Variants in MAP2K5 observed in about 807,000 individuals in gnomAD.
The protein encoded by MAP2K5 is dual specificity mitogen-activated protein kinase kinase 5.
A neutral mutation model predicts 83.1 loss-of-function variants in MAP2K5; 49 were observed. The ratio of observed to expected loss-of-function variants is 0.59; its 90% CI spans 0.47 to 0.75. MAP2K5 has a LOEUF of 0.75. Among genes scored for constraint, MAP2K5 ranks in the 30% least tolerant of loss-of-function variants. MAP2K5 has a pLI of 0.00. For missense variants in MAP2K5, 457 were observed against 557.5 expected (o/e 0.82, Z 1.82); for synonymous variants, 202 against 191.8 (o/e 1.05, Z -0.44).
intron 1 of MAP2K5, chr15:67,546,726 T>C: frequency 2.0e-6 from 1 of 503,052 alleles, no homozygotes; most frequent in Non-Finnish European, 2.6e-6. Context: ...TCTCCCCTCT[T>C]CTTTTTGTAT....
intron 7 of MAP2K5, among the ~76,000 whole-genome samples, chr15:67,599,721 C>T (rs1484208391): frequency 1.3e-5 from 2 of 150,992 alleles, no homozygotes; most frequent in African/African-American, 4.9e-5. Flanking sequence ...TGGCTTTCCC[C>T]AAGCTTTAGC....
chr15:67,723,997 G>A (rs898744693), intron 16 of MAP2K5, among the ~76,000 whole-genome samples: 3 of 152,096 alleles, frequency 2.0e-5, no homozygotes, highest in African/African-American at 7.2e-5. Flanking sequence ...CAACTCATAA[G>A]CAAATGAGTT....
At chr15:67,710,567 A>C (rs374254461) in intron 16 of MAP2K5, among the ~76,000 whole-genome samples, 1 of 142,710 alleles carries the variant, frequency 7.0e-6, no homozygotes, top group Non-Finnish European at 1.5e-5. Context: ...GCAGTGGCAC[A>C]GTCTTAACTC....
At chr15:67,629,278 A>T in intron 8 of MAP2K5, 1 of 575,782 alleles carries the variant, frequency 1.7e-6, no homozygotes, top group Non-Finnish European at 3.2e-6. Flanking sequence ...TTTTAGACAA[A>T]TACTCATGTG....
At chr15:67,574,895 T>C (rs544158506) in intron 3 of MAP2K5, among the ~76,000 whole-genome samples, 7 of 151,976 alleles carry the variant, frequency 4.6e-5, no homozygotes, top group Non-Finnish European at 7.4e-5. Flanking sequence ...TAAAACAAAA[T>C]AAAATAAAAT....
At chr15:67,629,866 T>C (rs933915747) in intron 8 of MAP2K5, among the ~76,000 whole-genome samples, 6 of 152,236 alleles carry the variant, frequency 3.9e-5, no homozygotes, top group African/African-American at 1.4e-4. Context: ...ATTTTTATTG[T>C]ATAAAAATGT....
intron 21 of MAP2K5, among the ~76,000 whole-genome samples, chr15:67,798,909 G>A (rs907708382): frequency 1.3e-5 from 2 of 152,166 alleles, no homozygotes; most frequent in African/African-American, 2.4e-5. Context: ...GGTGGCTCAC[G>A]CCTGTAATCC....
intron 16 of MAP2K5, among the ~76,000 whole-genome samples, chr15:67,714,542 G>A (rs927005771): frequency 1.3e-5 from 2 of 151,202 alleles, no homozygotes; most frequent in African/African-American, 4.9e-5. Context: ...GAACTGGTCC[G>A]AGGGGTGACG....
chr15:67,736,185 G>A lies in MAP2K5; in HGVS notation c.1074+8240G>A, dbSNP rs756192856. Among the ~76,000 whole-genome samples the A allele has an allele frequency of 3.3e-5, 5 of 152,182 alleles. No individual in the cohort carries two copies. The highest frequency in any genetic ancestry group is 7.3e-5 in the Non-Finnish European group (5 of 68,044). On this transcript the variant is annotated intron_variant, in intron 17 of 21. Coordinates refer to ENST00000178640, the MANE Select transcript of MAP2K5 (RefSeq NM_145160.3). The surrounding 1 kb of genome is among the most constrained non-coding windows in gnomAD (Gnocchi z 4.3). Reference sequence around the variant, plus strand: ...AGGATGGAGATGGCAAGTGTAGCAGGGACCAGATAAAGAAATTGGGTTTGA... The same window carrying A: ...AGGATGGAGATGGCAAGTGTAGCAGAGACCAGATAAAGAAATTGGGTTTGA...
chr15:67,662,551 C>T lies in MAP2K5; in HGVS notation c.799-2046C>T, dbSNP rs531780106. Among the ~76,000 whole-genome samples, 24 of 152,168 alleles carry T rather than the reference C, an allele frequency of 1.6e-4. No homozygotes were observed. The South Asian group carries it at 4.6e-3, about 29-fold the overall frequency. On this transcript the variant is annotated intron_variant, in intron 12 of 21. Coordinates refer to ENST00000178640, the MANE Select transcript of MAP2K5 (RefSeq NM_145160.3). ...GTCAACCTTGAAATTGGTAAGTTCACGCTCATGTGCATATAGGATCAGTGG... is the reference window on the plus strand; with the variant it reads ...GTCAACCTTGAAATTGGTAAGTTCATGCTCATGTGCATATAGGATCAGTGG...
At chr15:67,641,390 T>A (rs1683683232) in intron 9 of MAP2K5, 1 of 583,050 alleles carries the variant, frequency 1.7e-6, no homozygotes, top group Non-Finnish European at 2.2e-6. Context: ...AATAAGTGAA[T>A]TAAAACAGAA....
chr15:67,762,236 A>G (rs2089962955), intron 19 of MAP2K5, among the ~76,000 whole-genome samples: 1 of 152,196 alleles, frequency 6.6e-6, no homozygotes, highest in Non-Finnish European at 1.5e-5. Context: ...CTTCGGTATG[A>G]GACAAGTATG....
Position 67,690,455 on chromosome 15 carries a change from A to G in MAP2K5, c.848-2024A>G, listed in dbSNP as rs1399005105. 6.6e-6 allele frequency among the ~76,000 whole-genome samples: 1 copy of G among 152,178 alleles called. No homozygotes were observed. The highest frequency in any genetic ancestry group is 1.5e-5 in the Non-Finnish European group (1 of 68,040). The stretch of plus-strand genomic sequence containing the variant: ...ATTTAAGGTTTAATATGATGATGGT[A>G]TAAGAATTATGTTGAAAAATTAGAG... On this transcript the variant is annotated intron_variant, in intron 13 of 21. Transcript: ENST00000178640. The surrounding 1 kb of genome is among the most constrained non-coding windows in gnomAD (Gnocchi z 4.3).
rs191569952 is a variant in MAP2K5, at chr15:67,563,839, G to T, written c.252+489G>T. Among the ~76,000 whole-genome samples, 16 of 152,010 alleles carry T rather than the reference G, an allele frequency of 1.1e-4. No individual in the cohort carries two copies. The East Asian group carries it at 3.1e-3, about 29-fold the overall frequency. On this transcript the variant is annotated intron_variant, in intron 3 of 21. Coordinates refer to ENST00000178640, the MANE Select transcript of MAP2K5 (RefSeq NM_145160.3). The surrounding 1 kb of genome is among the most constrained non-coding windows in gnomAD (Gnocchi z 4.5). The stretch of plus-strand genomic sequence containing the variant: ...TACTCCCACCGAAAATGAACTACAG[G>T]GCTACTTACTGAATCAAAGTGATCT...
intron 13 of MAP2K5, among the ~76,000 whole-genome samples, chr15:67,684,896 A>C (rs1220876841): frequency 6.6e-6 from 1 of 152,196 alleles, no homozygotes; most frequent in East Asian, 1.9e-4. Flanking sequence ...ATCCAAAATT[A>C]CTCATTTCTA....
In MAP2K5 at chr15:67,722,547, GA is replaced by G. The variant is rs1419205603; in HGVS notation, c.1045-5363del. Reference sequence around the variant, plus strand: ...GAGAACAGTGAAATTGATACATGGGGAAAAAAGTAAAATCTTAGAGTAGATT... The same window carrying G: ...GAGAACAGTGAAATTGATACATGGGGAAAAAGTAAAATCTTAGAGTAGATT... On this transcript the variant is annotated intron_variant, in intron 16 of 21. Transcript: ENST00000178640. The surrounding 1 kb of genome is among the most constrained non-coding windows in gnomAD (Gnocchi z 4.2). Among the ~76,000 whole-genome samples, 1 of 151,976 alleles carries G rather than the reference GA, an allele frequency of 6.6e-6. No individual in the cohort carries two copies. Among genetic ancestry groups the G allele is most frequent in the Non-Finnish European group, 1.5e-5 (1 of 67,972 alleles).
Position 67,543,154 on chromosome 15 carries a change from C to T in MAP2K5, c.-182C>T, listed in dbSNP as rs992291231. Reference sequence around the variant, plus strand: ...TCAGACCCCCGACAGCCTGGGCAGGCTCGGTGCCTGCGGGTGCGTTCCTGA... The same window carrying T: ...TCAGACCCCCGACAGCCTGGGCAGGTTCGGTGCCTGCGGGTGCGTTCCTGA... On this transcript the variant is annotated 5_prime_UTR_variant, in exon 1 of 22. Coordinates refer to ENST00000178640, the MANE Select transcript of MAP2K5 (RefSeq NM_145160.3). The surrounding 1 kb of genome is among the most constrained non-coding windows in gnomAD (Gnocchi z 4.3). 1 of 629,882 alleles carries T rather than the reference C, an allele frequency of 1.6e-6. No individual in the cohort carries two copies. The highest frequency in any genetic ancestry group is 2.8e-6 in the Non-Finnish European group (1 of 359,976). 39.0% of individuals were successfully genotyped at this position (629,882 alleles called of 1,614,324 possible).
intron 15 of MAP2K5, among the ~76,000 whole-genome samples, chr15:67,699,428 C>T (rs969720191): frequency 1.3e-5 from 2 of 152,144 alleles, no homozygotes; most frequent in Non-Finnish European, 2.9e-5. Context: ...TCCTCTTCCC[C>T]CAGTCCCGGG....
intron 8 of MAP2K5, among the ~76,000 whole-genome samples, chr15:67,615,145 G>A (rs962572148): frequency 2.6e-5 from 4 of 151,992 alleles, no homozygotes; most frequent in Admixed American, 6.6e-5. Context: ...TTACAGGCAC[G>A]TGCCACCACG....
Sources: allele counts gnomAD v4.1 joint callset (sites outside exome capture counted in the v4.1 genomes callset), GRCh38; gene constraint gnomAD v4.1.1; non-coding constraint Gnocchi (gnomAD v3.1); transcripts MANE v1.5; gene names NCBI Gene and HGNC (gene_info 2026-07-23, HGNC 2026-07-21).